Variants in EYS observed in about 807,000 individuals in gnomAD.
EYS encodes the protein protein eyes shut homolog.
EYS carries 250 observed loss-of-function variants against 282.1 expected under a neutral mutation model. The ratio of observed to expected loss-of-function variants is 0.89; its 90% confidence interval spans 0.80 to 0.98. The LOEUF is 0.98. Ranked by LOEUF, EYS falls within the 50% of genes least tolerant of loss-of-function variation. The probability of loss-of-function intolerance (pLI) is 0.00; values close to 1 mark genes in which losing one functional copy is unlikely to be tolerated. For missense variants in EYS, 4,016 were observed against 3,709.0 expected, an observed-to-expected ratio of 1.08 and a Z score of -2.15; for synonymous variants, 1,355 against 1,282.9, an observed-to-expected ratio of 1.06 and a Z score of -1.20.
intron 2 of EYS, among the ~76,000 whole-genome samples, chr6:65,594,279 G>A (rs1190963212): frequency 6.6e-6 from 1 of 151,950 alleles, no homozygotes. Context: ...ATTGCTGTAA[G>A]CAACTTGTTT....
intron 15 of EYS, among the ~76,000 whole-genome samples, chr6:64,932,956 C>A (rs1768774834): frequency 6.6e-6 from 1 of 151,928 alleles, no homozygotes; most frequent in South Asian, 2.1e-4. Context: ...TCCAGATGTA[C>A]CAAGTTATGC....
At chr6:64,706,071 T>C (rs1771002734) in intron 22 of EYS, among the ~76,000 whole-genome samples, 1 of 148,812 alleles carries the variant, frequency 6.7e-6, no homozygotes, top group South Asian at 2.1e-4. Flanking sequence ...CCTCAAACTA[T>C]ACTAAAAGGC....
chr6:64,407,588 G>A (rs1773760071), intron 28 of EYS, among the ~76,000 whole-genome samples: 1 of 152,102 alleles, frequency 6.6e-6, no homozygotes, highest in Non-Finnish European at 1.5e-5. Context: ...GTGATATTAA[G>A]CCAGATTCAG....
At chr6:64,145,871 A>G (rs752507610) in intron 31 of EYS, among the ~76,000 whole-genome samples, 12 of 152,140 alleles carry the variant, frequency 7.9e-5, no homozygotes, top group Non-Finnish European at 1.6e-4. Context: ...TGAATTTATC[A>G]TAAAGCTCAT....
intron 5 of EYS, among the ~76,000 whole-genome samples, chr6:65,413,426 T>G (rs1374921285): frequency 2.0e-5 from 3 of 152,122 alleles, no homozygotes; most frequent in Non-Finnish European, 4.4e-5. Flanking sequence ...TAGTAATAAA[T>G]GATGTTAAGA....
intron 29 of EYS, among the ~76,000 whole-genome samples, chr6:64,312,180 C>T (rs946078449): frequency 2.0e-5 from 3 of 151,884 alleles, no homozygotes; most frequent in Admixed American, 1.3e-4. Flanking sequence ...CTAGGATGCT[C>T]GAGCTTGGTG....
chr6:64,307,191 T>C (rs769222349), intron 29 of EYS, 109 bp from the exon 30 acceptor site: 13 of 591,836 alleles, frequency 2.2e-5, no homozygotes, highest in African/African-American at 1.3e-4. Context: ...TGGAGGCTGA[T>C]TTGATTTATT....
intron 26 of EYS, among the ~76,000 whole-genome samples, chr6:64,581,527 A>T (rs185795698): frequency 6.6e-6 from 1 of 152,170 alleles, no homozygotes; most frequent in Non-Finnish European, 1.5e-5. Flanking sequence ...ATTTTCAAAT[A>T]TTGGCATAAA....
At chr6:65,332,467 A>G in intron 11 of EYS, 1 of 1,326,562 alleles carries the variant, frequency 7.5e-7, no homozygotes, top group Non-Finnish European at 1.1e-6. Flanking sequence ...TTAAGGCCTA[A>G]TATTTAAGTC....
intron 29 of EYS, among the ~76,000 whole-genome samples, chr6:64,382,611 A>T (rs1772784013): frequency 6.6e-6 from 1 of 152,216 alleles, no homozygotes; most frequent in Non-Finnish European, 1.5e-5. Context: ...ATACAGTGGT[A>T]CATCTAAACC....
chr6:64,061,221 A>T (rs545079816), intron 33 of EYS, among the ~76,000 whole-genome samples: 49 of 152,328 alleles, frequency 3.2e-4, no homozygotes, highest in African/African-American at 1.1e-3. Context: ...TTTTTAGAGA[A>T]TAGAATACTG....
intron 35 of EYS, among the ~76,000 whole-genome samples, chr6:63,884,122 T>A (rs1773201945): frequency 6.6e-6 from 1 of 152,188 alleles, no homozygotes; most frequent in Non-Finnish European, 1.5e-5. Flanking sequence ...GGCTGTCATA[T>A]AATGGTCATG....
chr6:64,563,042 C>A (rs59162528), intron 26 of EYS, among the ~76,000 whole-genome samples: 4,624 of 151,884 alleles, frequency 0.03, 156 homozygotes, highest in East Asian at 0.11. Context: ...AAATATTTTA[C>A]CTTTAAGTAC....
chr6:63,853,303 A>G (rs1772307294), intron 36 of EYS, among the ~76,000 whole-genome samples: 1 of 152,182 alleles, frequency 6.6e-6, no homozygotes, highest in Non-Finnish European at 1.5e-5. Context: ...CACAAAATCA[A>G]TATGCAAAAA....
At chr6:64,502,257 T>C (rs565497039) in intron 26 of EYS, among the ~76,000 whole-genome samples, 1 of 151,134 alleles carries the variant, frequency 6.6e-6, no homozygotes, top group Non-Finnish European at 1.5e-5. Context: ...GTTTTGTTTT[T>C]TTTGCCGGAG....
At chr6:64,589,230 T>C (rs996053684) in intron 26 of EYS, among the ~76,000 whole-genome samples, 1 of 152,086 alleles carries the variant, frequency 6.6e-6, no homozygotes, top group East Asian at 1.9e-4. Flanking sequence ...CAAAATTATA[T>C]CATATTGAAT....
At chr6:65,421,901 A>T (rs1290092771) in intron 5 of EYS, among the ~76,000 whole-genome samples, 1 of 151,932 alleles carries the variant, frequency 6.6e-6, no homozygotes, top group African/African-American at 2.4e-5. Flanking sequence ...GTTCCAAAGC[A>T]ATTACAATAG....
chr6:65,620,863 T>C (rs1316884835), intron 2 of EYS, among the ~76,000 whole-genome samples: 2 of 152,188 alleles, frequency 1.3e-5, no homozygotes, highest in Non-Finnish European at 2.9e-5. Flanking sequence ...TTGAGCAGTT[T>C]TGAGTGAGTT....
intron 14 of EYS, among the ~76,000 whole-genome samples, chr6:64,975,147 C>A (rs931496440): frequency 1.3e-5 from 2 of 151,700 alleles, no homozygotes; most frequent in African/African-American, 4.8e-5. Flanking sequence ...TTTTTAAAAT[C>A]ATTTAGCTGC....
Sources: allele counts gnomAD v4.1 joint callset (sites outside exome capture counted in the v4.1 genomes callset), GRCh38; gene constraint gnomAD v4.1.1; transcripts MANE v1.5; gene names NCBI Gene and HGNC (gene_info 2026-07-23, HGNC 2026-07-21).